The following NAALADL2 variants were observed in gnomAD, a reference collection of about 807,000 sequenced individuals.
The protein encoded by NAALADL2 is inactive N-acetylated-alpha-linked acidic dipeptidase-like protein 2.
A neutral mutation model predicts 87.2 loss-of-function variants in NAALADL2; 76 were observed. The ratio of observed to expected loss-of-function variants is 0.87; its 90% CI spans 0.72 to 1.05. The LOEUF is 1.05. NAALADL2 is among the 50% of genes least tolerant of loss of function. The pLI, the probability that NAALADL2 is intolerant of heterozygous loss-of-function variation, is 0.00. For synonymous variants in NAALADL2, 354 were observed against 331.0 expected (o/e 1.07, Z -0.75); for missense variants, 1,089 against 945.8 (o/e 1.15, Z -1.99).
chr3:175,776,003 C>T (rs1396539287), intron 13 of NAALADL2, among the ~76,000 whole-genome samples: 2 of 152,056 alleles, frequency 1.3e-5, no homozygotes, highest in South Asian at 2.1e-4. Flanking sequence ...CCCTCACTTC[C>T]GTCTAAGAGT....
chr3:175,692,429 C>G (rs1432509957), intron 11 of NAALADL2, among the ~76,000 whole-genome samples: 1 of 152,158 alleles, frequency 6.6e-6, no homozygotes, highest in East Asian at 1.9e-4. Flanking sequence ...TTCATTCTAG[C>G]CCTCACCCAT....
At chr3:174,974,703 AT>A (rs1198994983) in intron 1 of NAALADL2, among the ~76,000 whole-genome samples, 1 of 152,174 alleles carries the variant, frequency 6.6e-6, no homozygotes, top group East Asian at 1.9e-4. Flanking sequence ...ATCAGGAGAT[AT>A]AATTGTTCAA....
rs190509685 is a variant in NAALADL2, at chr3:175,362,299, G to T, written c.1090+37974G>T. Among the ~76,000 whole-genome samples, 31 of 147,972 alleles carry T rather than the reference G, an allele frequency of 2.1e-4. 1 individual carries two copies. Among genetic ancestry groups the T allele is most frequent in the Non-Finnish European group, 2.7e-4 (18 of 66,526 alleles). On this transcript the variant is annotated intron_variant, in intron 5 of 13. Coordinates refer to ENST00000454872, the MANE Select transcript of NAALADL2 (RefSeq NM_207015.3). ...GTTGTATAGTTTGAAGTCAGGTAGCGTGATGCCTCCAGCTTTGTTCTTTTG... is the reference window on the plus strand; with the variant it reads ...GTTGTATAGTTTGAAGTCAGGTAGCTTGATGCCTCCAGCTTTGTTCTTTTG...
intron 2 of NAALADL2, among the ~76,000 whole-genome samples, chr3:174,662,848 G>A (rs949191272): frequency 3.3e-5 from 5 of 152,134 alleles, no homozygotes; most frequent in Admixed American, 3.3e-4. Context: ...GAAGTCAGTG[G>A]CACCTCCTGA....
chr3:174,816,657 A>G (rs779999547), intron 3 of NAALADL2, among the ~76,000 whole-genome samples: 7 of 151,972 alleles, frequency 4.6e-5, no homozygotes, highest in Non-Finnish European at 8.8e-5. Context: ...GGTCACTGCC[A>G]TGGTAAACCT....
chr3:175,705,845 T>C (rs1739613513), intron 11 of NAALADL2, among the ~76,000 whole-genome samples: 2 of 152,110 alleles, frequency 1.3e-5, no homozygotes, highest in African/African-American at 4.8e-5. Flanking sequence ...ACTGTGCTCC[T>C]TGTGAATGGG....
At chr3:175,535,589 A>G (rs1229689199) in intron 9 of NAALADL2, among the ~76,000 whole-genome samples, 3 of 152,148 alleles carry the variant, frequency 2.0e-5, no homozygotes, top group African/African-American at 7.2e-5. Context: ...ATCCAGTTCT[A>G]TTGAGTGTCC....
chr3:175,561,845 C>T lies in NAALADL2; in HGVS notation c.1654-14196C>T, dbSNP rs554736907. Reference sequence around the variant, plus strand: ...GTCCATAGCACTTTAAGTGAAATCACACAGGGTATCTTTTTTGTGTGACTA... The same window carrying T: ...GTCCATAGCACTTTAAGTGAAATCATACAGGGTATCTTTTTTGTGTGACTA... On this transcript the variant is annotated intron_variant, in intron 9 of 13. Transcript: ENST00000454872. Among the ~76,000 whole-genome samples, 42 of 152,294 alleles carry T rather than the reference C, an allele frequency of 2.8e-4. 1 individual carries two copies. The South Asian group carries it at 8.1e-3, about 29-fold the overall frequency.
At chr3:175,304,690 C>G (rs193232658) in intron 4 of NAALADL2, among the ~76,000 whole-genome samples, 172 of 152,272 alleles carry the variant, frequency 1.1e-3, no homozygotes, top group African/African-American at 4.1e-3. Flanking sequence ...GGGACATGGT[C>G]AAACTACTCT....
intron 3 of NAALADL2, among the ~76,000 whole-genome samples, chr3:174,831,610 A>G (rs1722698460): frequency 6.6e-6 from 1 of 151,162 alleles, no homozygotes; most frequent in Admixed American, 6.6e-5. Flanking sequence ...TATCAGAATG[A>G]TGCTGGTCTC....
intron 9 of NAALADL2, among the ~76,000 whole-genome samples, chr3:175,497,160 A>G (rs975797204): frequency 2.0e-5 from 3 of 152,078 alleles, no homozygotes; most frequent in Non-Finnish European, 4.4e-5. Flanking sequence ...TGTAACCTCA[A>G]ACTTCTGAGC....
intron 13 of NAALADL2, among the ~76,000 whole-genome samples, chr3:175,789,128 T>G (rs1752473447): frequency 6.6e-6 from 1 of 152,186 alleles, no homozygotes; most frequent in South Asian, 2.1e-4. Context: ...GCATTTAAAT[T>G]AACTGAAAAC....
intron 5 of NAALADL2, among the ~76,000 whole-genome samples, chr3:175,401,316 T>G (rs989676596): frequency 6.6e-6 from 1 of 152,114 alleles, no homozygotes; most frequent in Non-Finnish European, 1.5e-5. Flanking sequence ...GTCAGAGACA[T>G]TTACTAGTAC....
chr3:175,042,695 A>G (rs896593471), intron 1 of NAALADL2, among the ~76,000 whole-genome samples: 8 of 152,140 alleles, frequency 5.3e-5, no homozygotes, highest in Admixed American at 5.2e-4. Context: ...AGTGATATTG[A>G]CCATATTTTC....
At chr3:174,908,000 CTT>C in intron 1 of NAALADL2, among the ~76,000 whole-genome samples, 1 of 132,912 alleles carries the variant, frequency 7.5e-6, no homozygotes, top group African/African-American at 2.8e-5. Context: ...TCAATTATCT[CTT>C]TTCGAAAGAG....
chr3:175,427,070 T>C (rs1263681473), intron 5 of NAALADL2, among the ~76,000 whole-genome samples: 2 of 152,232 alleles, frequency 1.3e-5, no homozygotes, highest in African/African-American at 2.4e-5. Context: ...AAGACTTCAC[T>C]TCTGGTAGCC....
At chr3:175,016,749 A>G (rs1000858825) in intron 1 of NAALADL2, among the ~76,000 whole-genome samples, 2 of 151,974 alleles carry the variant, frequency 1.3e-5, no homozygotes, top group Admixed American at 6.6e-5. Flanking sequence ...ATAATGAATT[A>G]TATTTTTTCC....
At chr3:175,756,222 G>T (rs964081728) in intron 13 of NAALADL2, among the ~76,000 whole-genome samples, 1 of 152,106 alleles carries the variant, frequency 6.6e-6, no homozygotes, top group Non-Finnish European at 1.5e-5. Flanking sequence ...TGGTAGGAAT[G>T]TAAATTAGCA....
At chr3:175,162,988 T>C (rs956126571) in intron 2 of NAALADL2, among the ~76,000 whole-genome samples, 12 of 152,152 alleles carry the variant, frequency 7.9e-5, no homozygotes, top group African/African-American at 2.9e-4. Flanking sequence ...CTGGAACTAA[T>C]CATTTCTTTC....
Sources: allele counts gnomAD v4.1 joint callset (sites outside exome capture counted in the v4.1 genomes callset), GRCh38; gene constraint gnomAD v4.1.1; transcripts MANE v1.5; gene names NCBI Gene and HGNC (gene_info 2026-07-23, HGNC 2026-07-21).